AHDC1: variants seen among roughly 807,000 people sequenced by gnomAD.
AHDC1 encodes transcription factor Gibbin.
A neutral mutation model predicts 87.9 loss-of-function variants in AHDC1; 7 were observed. That is an observed-to-expected ratio of 0.08 (90% CI 0.05 to 0.15). The LOEUF (loss-of-function observed/expected upper bound fraction) is 0.15, where lower values mean the gene tolerates loss of function less well. Ranked by LOEUF, AHDC1 falls within the 10% of genes least tolerant of loss-of-function variation. The pLI is 1.00. For synonymous variants in AHDC1, 1,051 were observed against 1,006.8 expected (o/e 1.04, Z -0.83); for missense variants, 1,841 against 2,253.2 (o/e 0.82, Z 3.70).
intron 3 of AHDC1, among the ~76,000 whole-genome samples, chr1:27,567,384 G>C (rs1457053534): frequency 6.6e-6 from 1 of 151,962 alleles, no homozygotes; most frequent in Non-Finnish European, 1.5e-5. Context: ...GCGGCCGTCG[G>C]GGGGCCGGGA....
intron 3 of AHDC1, among the ~76,000 whole-genome samples, chr1:27,603,075 G>A (rs1428317329): frequency 6.7e-6 from 1 of 150,020 alleles, no homozygotes; most frequent in Non-Finnish European, 1.5e-5. Context: ...GAGGGGGCGC[G>A]CGGCAGCGCT....
chr1:27,554,370 T>C (rs1045049689), intron 5 of AHDC1, among the ~76,000 whole-genome samples: 2 of 152,358 alleles, frequency 1.3e-5, no homozygotes, highest in Non-Finnish European at 2.9e-5. Context: ...ATTACTTGCG[T>C]GACTGGCTGT....
rs1027925187 is a variant in AHDC1 at position 27,565,173 on chromosome 1, T to C, written c.-628-6290A>G. Among the ~76,000 whole-genome samples, 2 of 152,136 alleles carry C rather than the reference T, an allele frequency of 1.3e-5. No individual in the cohort carries two copies. The highest frequency in any genetic ancestry group is 2.4e-5 in the African/African-American group (1 of 41,436). ...AGCTGAGGCCTCGATGCCAGCTTTGTTCCCCCCACCCACCCGCCGAGGGGG... is the reference window on the plus strand; with the variant it reads ...AGCTGAGGCCTCGATGCCAGCTTTGCTCCCCCCACCCACCCGCCGAGGGGG... On this transcript the variant is annotated intron_variant, in intron 3 of 8. Coordinates refer to ENST00000673934, the MANE Select transcript of AHDC1 (RefSeq NM_001371928.1). The surrounding 1 kb of genome is among the most constrained non-coding windows in gnomAD (Gnocchi z 4.6).
rs2020148441 is a variant in AHDC1 at position 27,562,738 on chromosome 1, A to C, written c.-628-3855T>G. 6.6e-6 allele frequency among the ~76,000 whole-genome samples: 1 copy of C among 152,142 alleles called. No homozygotes were observed. The highest frequency in any genetic ancestry group is 1.9e-4 in the East Asian group (1 of 5,196). ...GTGGTCTGCATGGGAAGGCCCCACC[A>C]GCTGCCAGCCCCGTATCACCAGAAA... is the stretch of plus-strand genomic sequence containing the variant. On this transcript the variant is annotated intron_variant, in intron 3 of 8. Transcript: ENST00000673934. This position sits in a 1 kb window ranked among gnomAD's most constrained non-coding sequence, Gnocchi z 4.4.
In AHDC1 at chr1:27,590,068, CCT is replaced by C. The variant is rs1363487676; in HGVS notation, c.-629+13327_-629+13328del. Among the ~76,000 whole-genome samples the C allele has an allele frequency of 6.6e-6, 1 of 152,184 alleles. No individual in the cohort carries two copies. Among genetic ancestry groups the C allele is most frequent in the Non-Finnish European group, 1.5e-5 (1 of 68,004 alleles). On this transcript the variant is annotated intron_variant, in intron 3 of 8. Coordinates refer to ENST00000673934, the MANE Select transcript of AHDC1 (RefSeq NM_001371928.1). This position sits in a 1 kb window ranked among gnomAD's most constrained non-coding sequence, Gnocchi z 5.4. ...CACCCACTGCTGAGGAGAGCCCTGC[CCT>C]GAGATGAGAGCTGGGGGTACAGGAA...
Position 27,548,588 on chromosome 1 carries a change from C to A in AHDC1, c.3528G>T (p.Pro1176=). The change falls in exon 8 of 9, where the codon CCG becomes CCT. Residue 1176 remains proline, a synonymous_variant. Coordinates refer to ENST00000673934, the MANE Select transcript of AHDC1 (RefSeq NM_001371928.1). ...SSSDSTQFNQ[P]VGGGGFRRAN... ...CACGCCGAAACCCCCCGCCACCAAC[C>A]GGCTGATTGAACTGGGTGCTGTCGG... is the stretch of plus-strand genomic sequence containing the variant. The A allele has an allele frequency of 6.2e-7, 1 of 1,613,536 alleles. No individual in the cohort carries two copies. Among genetic ancestry groups the A allele is most frequent in the Non-Finnish European group, 8.5e-7 (1 of 1,179,988 alleles).
intron 3 of AHDC1, among the ~76,000 whole-genome samples, chr1:27,570,390 C>T (rs374440829): frequency 6.6e-5 from 10 of 151,784 alleles, no homozygotes; most frequent in Non-Finnish European, 1.3e-4. Context: ...CTTTTAGAGA[C>T]CACTGGCCTA....
intron 3 of AHDC1, among the ~76,000 whole-genome samples, chr1:27,579,582 T>C (rs752009117): frequency 1.3e-5 from 2 of 150,172 alleles, no homozygotes; most frequent in Non-Finnish European, 2.9e-5. Context: ...GTCAACATTG[T>C]TTGCTTAGAT....
intron 3 of AHDC1, among the ~76,000 whole-genome samples, chr1:27,567,225 T>C (rs762631982): frequency 3.3e-5 from 5 of 152,080 alleles, no homozygotes; most frequent in Non-Finnish European, 5.9e-5. Context: ...AGCAGCAAGA[T>C]TGTGAATTCA....
Position 27,550,387 on chromosome 1 carries a change from C to T in AHDC1, c.1729G>A (p.Ala577Thr), listed in dbSNP as rs1223551420. The stretch of plus-strand genomic sequence containing the variant: ...TTTACCTCTGGCATGGCCATGGTGG[C>T]CGCTGCCACAGTGGCTGCCTCGGCC... Reference protein sequence around the residue: ...VAAEAATVAAATMAMPEVKKR... With the variant: ...VAAEAATVAATTMAMPEVKKR... The change falls in exon 8 of 9, where the codon GCC becomes ACC. Residue 577 changes from alanine to threonine, a missense_variant. Around this residue, in one of 13 missense-constraint regions of AHDC1, gnomAD observed 84 missense variants for 111.7 expected, o/e 0.75. Coordinates refer to ENST00000673934, the MANE Select transcript of AHDC1 (RefSeq NM_001371928.1). 1 of 1,613,028 alleles carries T rather than the reference C, an allele frequency of 6.2e-7. No homozygotes were observed. Among genetic ancestry groups the T allele is most frequent in the South Asian group, 1.1e-5 (1 of 91,064 alleles).
intron 5 of AHDC1, among the ~76,000 whole-genome samples, chr1:27,554,514 C>G (rs561843230): frequency 6.6e-6 from 1 of 152,294 alleles, no homozygotes; most frequent in East Asian, 1.9e-4. Context: ...ACTCCCTGAG[C>G]TGGTCAGGGC....
intron 8 of AHDC1, among the ~76,000 whole-genome samples, chr1:27,535,924 G>A (rs1041816900): frequency 1.3e-5 from 2 of 152,012 alleles, no homozygotes; most frequent in Non-Finnish European, 2.9e-5. Context: ...GGATGGGCTC[G>A]GGACTTCCTA....
intron 8 of AHDC1, among the ~76,000 whole-genome samples, chr1:27,538,130 G>A (rs1466673818): frequency 6.6e-6 from 1 of 151,986 alleles, no homozygotes; most frequent in African/African-American, 2.4e-5. Flanking sequence ...GGCCGGGCAG[G>A]GTGACTCACG....
At chr1:27,580,415 C>T (rs2088872462) in intron 3 of AHDC1, among the ~76,000 whole-genome samples, 2 of 152,200 alleles carry the variant, frequency 1.3e-5, no homozygotes, top group Non-Finnish European at 1.5e-5. Flanking sequence ...TGAGCTGGCA[C>T]CACTACCCCT....
At position 27,545,616 on chromosome 1, in the gene AHDC1, T is replaced by G. The variant is rs370117295; in HGVS notation, c.*43+1645A>C. Among the ~76,000 whole-genome samples the G allele has an allele frequency of 6.6e-5, 10 of 152,226 alleles. No individual in the cohort carries two copies. The East Asian group carries it at 1.7e-3, about 26-fold the overall frequency. On this transcript the variant is annotated intron_variant, in intron 8 of 8. Coordinates refer to ENST00000673934, the MANE Select transcript of AHDC1 (RefSeq NM_001371928.1). ...TGAGAAGGATCAAGAGTTTGACATTTTAAACCCTAAGCAGTTTCTCCCTGG... is the reference window on the plus strand; with the variant it reads ...TGAGAAGGATCAAGAGTTTGACATTGTAAACCCTAAGCAGTTTCTCCCTGG...
At position 27,549,104 on chromosome 1, in the gene AHDC1, A is replaced by C. The variant is rs779230063; in HGVS notation, c.3012T>G (p.Ser1004Arg). The change falls in exon 8 of 9, where the codon AGT becomes AGG. Residue 1004 changes from serine (S) to arginine (R), a missense_variant. Around this residue, in one of 13 missense-constraint regions of AHDC1, gnomAD observed 378 missense variants for 399.0 expected, o/e 0.95. Transcript: ENST00000673934. ...NSKDCSFAYG[S>R]GNSLPASPSS... Reference sequence around the variant, plus strand: ...TGGGTGAGGCAGGGAGGCTGTTGCCACTGCCATAGGCGAAGCTGCAGTCCT... The same window carrying C: ...TGGGTGAGGCAGGGAGGCTGTTGCCCCTGCCATAGGCGAAGCTGCAGTCCT... 2.6e-6 allele frequency: 4 copies of C among 1,553,040 alleles called. No individual in the cohort carries two copies. In the South Asian group the frequency reaches 3.6e-5, roughly 14 times the overall value.
At chr1:27,579,280 G>T (rs1320090197) in intron 3 of AHDC1, among the ~76,000 whole-genome samples, 1 of 151,992 alleles carries the variant, frequency 6.6e-6, no homozygotes, top group Non-Finnish European at 1.5e-5. Context: ...TTCTGGCTTT[G>T]GACTAAAGCT....
chr1:27,570,540 G>A (rs1238655974), intron 3 of AHDC1, among the ~76,000 whole-genome samples: 2 of 152,030 alleles, frequency 1.3e-5, no homozygotes, highest in African/African-American at 4.8e-5. Flanking sequence ...CAAATCCTCT[G>A]ACCCAGCCAA....
intron 3 of AHDC1, among the ~76,000 whole-genome samples, chr1:27,589,840 A>G (rs1257617140): frequency 6.6e-6 from 1 of 151,768 alleles, no homozygotes; most frequent in African/African-American, 2.4e-5. Context: ...CCAACCCTTC[A>G]CCCTCCGCCC....
Sources: allele counts gnomAD v4.1 joint callset (sites outside exome capture counted in the v4.1 genomes callset), GRCh38; gene constraint gnomAD v4.1.1; regional missense constraint gnomAD v4.1.1; non-coding constraint Gnocchi (gnomAD v3.1); transcripts MANE v1.5; gene names NCBI Gene and HGNC (gene_info 2026-07-23, HGNC 2026-07-21).